FNDC3B: variants seen among roughly 807,000 people sequenced by gnomAD.
FNDC3B encodes the protein fibronectin type III domain containing 3B.
FNDC3B carries 12 observed loss-of-function variants against 151.5 expected under a neutral mutation model. The observed-to-expected ratio is 0.08, with a 90% confidence interval of 0.05 to 0.13. The LOEUF is 0.13. Ranked by LOEUF, FNDC3B falls within the 10% of genes least tolerant of loss-of-function variation. The pLI, the probability that FNDC3B is intolerant of heterozygous loss-of-function variation, is 1.00. For missense variants in FNDC3B, 1,214 were observed against 1,505.3 expected (o/e 0.81, Z 3.20); for synonymous variants, 528 against 549.0 (o/e 0.96, Z 0.54).
At chr3:172,098,260 A>G (rs1719189671) in intron 1 of FNDC3B, among the ~76,000 whole-genome samples, 1 of 152,186 alleles carries the variant, frequency 6.6e-6, no homozygotes, top group African/African-American at 2.4e-5. Context: ...GTAGTTTAGT[A>G]TTGAATTGCC....
chr3:172,079,111 C>G (rs1276423905), intron 1 of FNDC3B, among the ~76,000 whole-genome samples: 1 of 152,086 alleles, frequency 6.6e-6, no homozygotes, highest in Non-Finnish European at 1.5e-5. Context: ...CTAGTTTGAT[C>G]TGGCCCTAGA....
intron 11 of FNDC3B, among the ~76,000 whole-genome samples, chr3:172,316,612 G>A (rs897342324): frequency 3.9e-5 from 6 of 152,176 alleles, no homozygotes; most frequent in Non-Finnish European, 5.9e-5. Flanking sequence ...TGCAAAGTTG[G>A]CTTGTTTTAA....
In FNDC3B at chr3:172,295,463, A is replaced by T; in HGVS notation, c.950A>T (p.Glu317Val). ...HSGLSFPYSY[E>V]VALSDKGRDG... Reference sequence around the variant, plus strand: ...GGTCTTTCCTTCCCCTACAGTTACGAGGTGGCCTTATCAGACAAAGGACGA... The same window carrying T: ...GGTCTTTCCTTCCCCTACAGTTACGTGGTGGCCTTATCAGACAAAGGACGA... Residue 317 changes from glutamate (E) to valine (V), a missense_variant, in exon 8 of 26, where the codon GAG (glutamate) becomes GTG (valine). This residue lies in a region of FNDC3B where 156 missense variants were observed against 225.3 expected (regional missense o/e 0.69). Coordinates refer to ENST00000415807, the MANE Select transcript of FNDC3B (RefSeq NM_022763.4). 1 of 1,614,048 alleles carries T rather than the reference A, an allele frequency of 6.2e-7. No homozygotes were observed. Among genetic ancestry groups the T allele is most frequent in the Non-Finnish European group, 8.5e-7 (1 of 1,179,910 alleles).
chr3:172,223,879 A>G (rs1726417433), intron 3 of FNDC3B, among the ~76,000 whole-genome samples: 1 of 152,272 alleles, frequency 6.6e-6, no homozygotes, highest in South Asian at 2.1e-4. Context: ...ATGAGTGATT[A>G]TTGTGCCATG....
Position 172,337,364 on chromosome 3 carries a change from C to G in FNDC3B, c.1815C>G (p.Leu605=). ...PPKDNGGSEI[L]KYLLEITDGN... is the part of the protein sequence containing the mutation. Reference sequence around the variant, plus strand: ...AGGACAATGGTGGTTCAGAAATCCTCAAGTACTTGCTAGAGATTACTGATG... The same window carrying G: ...AGGACAATGGTGGTTCAGAAATCCTGAAGTACTTGCTAGAGATTACTGATG... Residue 605 remains leucine, a synonymous_variant, in exon 16 of 26, where the codon CTC becomes CTG. Transcript: ENST00000415807. 6.2e-7 allele frequency: 1 copy of G among 1,612,828 alleles called. No individual in the cohort carries two copies. Among genetic ancestry groups the G allele is most frequent in the African/African-American group, 1.3e-5 (1 of 74,998 alleles).
chr3:172,387,050 G>A (rs1336109667), intron 25 of FNDC3B, among the ~76,000 whole-genome samples: 1 of 152,002 alleles, frequency 6.6e-6, no homozygotes. Context: ...TCTGCCTCCC[G>A]GGTTCAAGTG....
intron 19 of FNDC3B, chr3:172,346,068 G>C (rs1733598557): frequency 4.5e-6 from 1 of 224,706 alleles, no homozygotes; most frequent in African/African-American, 2.3e-5. Flanking sequence ...CCCAAGAAAG[G>C]GAAAATATTT....
intron 8 of FNDC3B, among the ~76,000 whole-genome samples, chr3:172,295,825 A>G (rs969234171): frequency 3.3e-5 from 5 of 152,310 alleles, no homozygotes; most frequent in Middle Eastern, 3.4e-3. Flanking sequence ...TAGTTTTTGC[A>G]TACATTGGGC....
At chr3:172,373,311 G>A (rs1380474366) in intron 23 of FNDC3B, among the ~76,000 whole-genome samples, 1 of 152,216 alleles carries the variant, frequency 6.6e-6, no homozygotes, top group African/African-American at 2.4e-5. Context: ...GTAGTGATCA[G>A]CACCTTCAAG....
intron 3 of FNDC3B, among the ~76,000 whole-genome samples, chr3:172,151,745 A>G (rs186839024): frequency 6.6e-6 from 1 of 152,344 alleles, no homozygotes; most frequent in African/African-American, 2.4e-5. Context: ...TGTTGTGGAT[A>G]GGTTCTTGGA....
intron 12 of FNDC3B, 159 bp downstream of exon 12, chr3:172,329,235 T>C (rs1005263105): frequency 3.1e-5 from 25 of 809,508 alleles, no homozygotes; most frequent in Non-Finnish European, 4.7e-5. Context: ...GAAGGCCTCC[T>C]TTAAGCTGGT....
chr3:172,219,375 A>G (rs1055290229), intron 3 of FNDC3B, among the ~76,000 whole-genome samples: 1 of 152,178 alleles, frequency 6.6e-6, no homozygotes, highest in Non-Finnish European at 1.5e-5. Context: ...TCAGAGATTT[A>G]TATGCAGTTG....
rs2108404815 is a variant in FNDC3B at position 172,399,289 on chromosome 3, A to G, written c.*1814A>G. The stretch of plus-strand genomic sequence containing the variant: ...ATATTTTTGTGTTTTATACTTTTGT[A>G]ATTTTAGGTCAGTCTTGTTCCTTGG... On this transcript the variant is annotated 3_prime_UTR_variant, in exon 26 of 26. Coordinates refer to ENST00000415807, the MANE Select transcript of FNDC3B (RefSeq NM_022763.4). 6.6e-6 allele frequency: 1 copy of G among 152,616 alleles called. No homozygotes were observed. The highest frequency in any genetic ancestry group is 2.4e-5 in the African/African-American group (1 of 41,524). 9.5% of individuals were successfully genotyped at this position (152,616 alleles called of 1,614,324 possible). A position where few individuals can be genotyped will look rare whatever the true frequency, so the allele number is the denominator to read the frequency against.
intron 7 of FNDC3B, among the ~76,000 whole-genome samples, chr3:172,294,247 T>G (rs189782791): frequency 7.9e-5 from 12 of 152,196 alleles, no homozygotes; most frequent in African/African-American, 2.9e-4. Context: ...AGAAGGGAAG[T>G]GTATTAGTCT....
intron 4 of FNDC3B, among the ~76,000 whole-genome samples, chr3:172,230,873 A>G (rs1726853261): frequency 6.6e-6 from 1 of 152,234 alleles, no homozygotes; most frequent in African/African-American, 2.4e-5. Context: ...GTAAAATAGT[A>G]CATCTGCTTT....
intron 3 of FNDC3B, among the ~76,000 whole-genome samples, chr3:172,225,197 CA>C (rs1404461195): frequency 3.3e-5 from 5 of 152,140 alleles, no homozygotes; most frequent in Non-Finnish European, 7.3e-5. Flanking sequence ...TTTGGGAAGA[CA>C]GGGTCTTGCT....
intron 3 of FNDC3B, among the ~76,000 whole-genome samples, chr3:172,199,762 A>C (rs1473207708): frequency 6.6e-6 from 1 of 152,232 alleles, no homozygotes; most frequent in Non-Finnish European, 1.5e-5. Flanking sequence ...ACATTTAAGA[A>C]AGATTGATAA....
intron 6 of FNDC3B, among the ~76,000 whole-genome samples, chr3:172,267,526 G>T (rs1301737877): frequency 6.6e-6 from 1 of 152,212 alleles, no homozygotes; most frequent in Admixed American, 6.5e-5. Flanking sequence ...GCTGGAAATA[G>T]AAGTGAGTTG....
intron 1 of FNDC3B, among the ~76,000 whole-genome samples, chr3:172,074,971 A>G (rs895825998): frequency 1.4e-4 from 22 of 152,196 alleles, no homozygotes; most frequent in African/African-American, 5.3e-4. Context: ...AACATGATCC[A>G]ATCACAACTA....
Sources: gnomAD v4.1 joint callset for allele counts (sites outside exome capture counted in the v4.1 genomes callset) on GRCh38, gnomAD v4.1.1 for gene constraint, gnomAD v4.1.1 regional missense constraint, MANE v1.5 for transcripts, NCBI Gene and HGNC (gene_info 2026-07-23, HGNC 2026-07-21) for gene names.